FAM83E: variants seen among roughly 807,000 people sequenced by gnomAD.
The protein encoded by FAM83E is protein FAM83E.
FAM83E carries 29 observed loss-of-function variants against 34.3 expected under a neutral mutation model. That is an observed-to-expected ratio of 0.85 (90% CI 0.63 to 1.15). The LOEUF is 1.15. FAM83E is among the 50% of genes most tolerant of loss of function. The pLI is 0.00. For missense variants in FAM83E, 697 were observed against 685.0 expected (o/e 1.02, Z -0.20); for synonymous variants, 312 against 311.6 (o/e 1.00, Z -0.01).
chr19:48,607,255 G>A lies in FAM83E; in HGVS notation c.758+2621C>T, dbSNP rs773214727. 8.7e-6 allele frequency: 14 copies of A among 1,608,158 alleles called. No individual in the cohort carries two copies. In the East Asian group the frequency reaches 1.1e-4, roughly 13 times the overall value. ...CAGCCTCACCACCAACTGCTGCACCGGCCGCCTGTGTAACAGAGCCCCGAG... is the reference window on the plus strand; with the variant it reads ...CAGCCTCACCACCAACTGCTGCACCAGCCGCCTGTGTAACAGAGCCCCGAG... On this transcript the variant is annotated intron_variant, in intron 5 of 6. Transcript: ENST00000263266.
rs1331520141 is a variant in FAM83E at position 48,613,773 on chromosome 19, C to A, written c.-401G>T. 1.6e-5 allele frequency: 16 copies of A among 985,300 alleles called. No individual in the cohort carries two copies. The highest frequency in any genetic ancestry group is 1.9e-5 in the Non-Finnish European group (16 of 829,930). 61.0% of individuals were successfully genotyped at this position (985,300 alleles called of 1,614,324 possible). On this transcript the variant is annotated 5_prime_UTR_variant, in exon 3 of 7. Transcript: ENST00000263266. Reference sequence around the variant, plus strand: ...AGCCACACGACAGCCTCCAACCCACCAGTCACACAGTGCCCAGTCAGACCC... The same window carrying A: ...AGCCACACGACAGCCTCCAACCCACAAGTCACACAGTGCCCAGTCAGACCC...
At position 48,600,654 on chromosome 19, in the gene FAM83E, T is replaced by C. The variant is rs907465346; in HGVS notation, c.*455A>G. On this transcript the variant is annotated 3_prime_UTR_variant, in exon 7 of 7. Coordinates refer to ENST00000263266, the MANE Select transcript of FAM83E (RefSeq NM_017708.4). ...CAGCCTTTCTTTTTCTTTTTTCTTT[T>C]TTTTTTTTTTTTAAAGAGATGGCCT... Among the ~76,000 whole-genome samples the C allele has an allele frequency of 7.4e-5, 11 of 148,722 alleles. No homozygotes were observed. Among genetic ancestry groups the C allele is most frequent in the Non-Finnish European group, 1.2e-4 (8 of 67,222 alleles).
chr19:48,610,121 A>T (rs1016487183), intron 4 of FAM83E, 121 bp from the exon 5 acceptor site: 2 of 1,305,294 alleles, frequency 1.5e-6, no homozygotes, highest in East Asian at 2.5e-5. Context: ...GTCCAAGGCC[A>T]GGCGTGGTGG....
At position 48,610,025 on chromosome 19, in the gene FAM83E, A is replaced by G. The variant is rs775170763; in HGVS notation, c.634-25T>C. 5.6e-6 allele frequency: 9 copies of G among 1,606,432 alleles called. No individual in the cohort carries two copies. The East Asian group carries it at 1.8e-4, about 32-fold the overall frequency. ...TCTGTTGGTGTGGGGAGTGGAGGGT[A>G]CACCCTTGCTGAGGCCCACTGCATG... is the stretch of plus-strand genomic sequence containing the variant. On this transcript the variant is annotated intron_variant, in intron 4 of 6. Coordinates refer to ENST00000263266, the MANE Select transcript of FAM83E (RefSeq NM_017708.4).
chr19:48,607,364 G>A (rs748052076), intron 5 of FAM83E: 15 of 1,574,580 alleles, frequency 9.5e-6, no homozygotes, highest in Admixed American at 1.8e-5. Flanking sequence ...CCAACAGGGA[G>A]GACAGGGCCT....
rs371393293 is a variant in FAM83E, at chr19:48,612,988, G to C, written c.385C>G (p.Gln129Glu). 1 of 1,603,920 alleles carries C rather than the reference G, an allele frequency of 6.2e-7. No homozygotes were observed. Among genetic ancestry groups the C allele is most frequent in the Admixed American group, 1.7e-5 (1 of 58,488 alleles). Residue 129 changes from glutamine to glutamate, a missense_variant, in exon 3 of 7, where the codon CAG becomes GAG. By Grantham distance (29) the Gln-to-Glu change is conservative. Coordinates refer to ENST00000263266, the MANE Select transcript of FAM83E (RefSeq NM_017708.4). ...TCTCCAGGAGGCTGGGTGTACAGCT[G>C]CGCCCGGGTGATGCCTTTCCACGCA... is the stretch of plus-strand genomic sequence containing the variant. The part of the protein sequence containing the change: ...DSAWKGITRA[Q>E]LYTQPPGEGQ...
intron 6 of FAM83E, among the ~76,000 whole-genome samples, chr19:48,602,141 C>CAAAAAAAAAAAAAAAAAAA (rs35272146): frequency 2.4e-5 from 1 of 41,566 alleles, no homozygotes; most frequent in Non-Finnish European, 4.0e-5. Context: ...GACCCTATCT[C>CAAAAAAAAAAAAAAAAAAA]AAAAAAAAAA....
At position 48,613,315 on chromosome 19, in the gene FAM83E, C is replaced by G. The variant is rs376982501; in HGVS notation, c.58G>C (p.Gly20Arg). Residue 20 changes from glycine to arginine, a missense_variant, in exon 3 of 7, where the codon GGG becomes CGG. Transcript: ENST00000263266. ...GAATATAGAAAGCCGGGGCTGGCCCCGGGCACCCTGGGACCGGAGTCCACT... is the reference window on the plus strand; with the variant it reads ...GAATATAGAAAGCCGGGGCTGGCCCGGGGCACCCTGGGACCGGAGTCCACT... ...EGVDSGPRVP[G>R]ASPGFLYSEG... 5.0e-6 allele frequency: 8 copies of G among 1,600,308 alleles called. No individual in the cohort carries two copies. The South Asian group carries it at 8.9e-5, about 18-fold the overall frequency.
At chr19:48,607,285 C>G (rs1400671779) in intron 5 of FAM83E, 2 of 1,600,480 alleles carry the variant, frequency 1.2e-6, no homozygotes, top group African/African-American at 2.7e-5. Context: ...CCCGAGCAGC[C>G]AGACAGTGGG....
At chr19:48,612,835 G>A in intron 3 of FAM83E, 73 bp downstream of exon 3, 1 of 1,448,348 alleles carries the variant, frequency 6.9e-7, no homozygotes, top group South Asian at 1.4e-5. Flanking sequence ...CAAGTCCCAG[G>A]AGGACAAGGG....
At position 48,613,194 on chromosome 19, in the gene FAM83E, C is replaced by T. The variant is rs1399516287; in HGVS notation, c.179G>A (p.Ser60Asn). 12 of 1,611,708 alleles carry T rather than the reference C, an allele frequency of 7.4e-6. No homozygotes were observed. The highest frequency in any genetic ancestry group is 9.3e-6 in the Non-Finnish European group (11 of 1,179,914). ...VQREELWPFL[S>N]ADEVQGLAAA... ...TGCCAAGCCCTGAACCTCATCCGCA[C>T]TGAGGAAGGGCCACAGCTCCTCGCG... Residue 60 changes from serine to asparagine, a missense_variant, in exon 3 of 7, where the codon AGT becomes AAT. Transcript: ENST00000263266.
chr19:48,613,170 G>A lies in FAM83E; in HGVS notation c.203C>T (p.Ala68Val). The change falls in exon 3 of 7, where the codon GCA (alanine) becomes GTA (valine). Residue 68 changes from alanine (A) to valine (V), a missense_variant. Coordinates refer to ENST00000263266, the MANE Select transcript of FAM83E (RefSeq NM_017708.4). Reference sequence around the variant, plus strand: ...CACTGTCCAGTCTTCAGCTGCCGCTGCCAAGCCCTGAACCTCATCCGCACT... The same window carrying A: ...CACTGTCCAGTCTTCAGCTGCCGCTACCAAGCCCTGAACCTCATCCGCACT... ...FLSADEVQGL[A>V]AAAEDWTVAK... The A allele has an allele frequency of 6.2e-7, 1 of 1,612,136 alleles. No individual in the cohort carries two copies. Among genetic ancestry groups the A allele is most frequent in the Non-Finnish European group, 8.5e-7 (1 of 1,179,920 alleles).
rs749961975 is a variant in FAM83E at position 48,603,580 on chromosome 19, T to G, written c.1090A>C (p.Ser364Arg). 1.6e-4 allele frequency: 249 copies of G among 1,551,892 alleles called. No individual in the cohort carries two copies. The highest frequency in any genetic ancestry group is 2.0e-4 in the Non-Finnish European group (226 of 1,158,306). Residue 364 changes from serine (S) to arginine (R), a missense_variant, in exon 6 of 7, where the codon AGC becomes CGC. By Grantham distance (110) the Ser-to-Arg change is moderately radical. Coordinates refer to ENST00000263266, the MANE Select transcript of FAM83E (RefSeq NM_017708.4). ...CGGCTGGGCCGGGCCGGGGGGCCGC[T>G]GGGGGTCCGGGCGCGCTGCACACTC... ...LRSVQRARTP[S>R]GPPARPSRSM...
chr19:48,602,882 T>C (rs1326455235), intron 6 of FAM83E, among the ~76,000 whole-genome samples: 1 of 145,648 alleles, frequency 6.9e-6, no homozygotes, highest in Non-Finnish European at 1.5e-5. Context: ...GAGACAGCCT[T>C]GCTCTGTCAC....
rs1973884767 is a variant in FAM83E, at chr19:48,604,123, C to T, written c.759-212G>A. Among the ~76,000 whole-genome samples, 3 of 152,038 alleles carry T rather than the reference C, an allele frequency of 2.0e-5. No homozygotes were observed. In the South Asian group the frequency reaches 6.2e-4, roughly 32 times the overall value. ...GCCCAAGTTAAGACACTTATATAAT[C>T]AGGGCCAGGTGTGGTGACTCACACT... On this transcript the variant is annotated intron_variant, in intron 5 of 6. Coordinates refer to ENST00000263266, the MANE Select transcript of FAM83E (RefSeq NM_017708.4).
rs768538243 is a variant in FAM83E, at chr19:48,603,589, G to A, written c.1081C>T (p.Arg361Trp). Reference protein sequence around the residue: ...SDILRSVQRARTPSGPPARPS... With the variant: ...SDILRSVQRAWTPSGPPARPS... ...CGGGCCGGGGGGCCGCTGGGGGTCC[G>A]GGCGCGCTGCACACTCCTTAGAATG... The change falls in exon 6 of 7, where the codon CGG becomes TGG. Residue 361 changes from arginine to tryptophan, a missense_variant. Physicochemically the swap from Arg to Trp is moderately radical, Grantham distance 101. Coordinates refer to ENST00000263266, the MANE Select transcript of FAM83E (RefSeq NM_017708.4). 5.8e-6 allele frequency: 9 copies of A among 1,543,442 alleles called. No individual in the cohort carries two copies. Among genetic ancestry groups the A allele is most frequent in the South Asian group, 1.2e-5 (1 of 85,558 alleles).
intron 4 of FAM83E, 63 bp from the exon 5 acceptor site, chr19:48,610,063 C>A: frequency 6.3e-7 from 1 of 1,577,032 alleles, no homozygotes; most frequent in Non-Finnish European, 8.6e-7. Context: ...TTCAGGCTCC[C>A]TCCAGACTGG....
intron 3 of FAM83E, among the ~76,000 whole-genome samples, chr19:48,612,086 G>T (rs889749689): frequency 5.9e-5 from 9 of 152,210 alleles, no homozygotes; most frequent in Non-Finnish European, 1.0e-4. Context: ...ACAGGGAAGA[G>T]ATTTAACCGC....
rs569168879 is a variant in FAM83E, at chr19:48,614,058, A to T, written c.-686T>A. On this transcript the variant is annotated 5_prime_UTR_variant, in exon 3 of 7. An upstream start codon of the reference 5' UTR is lost. Coordinates refer to ENST00000263266, the MANE Select transcript of FAM83E (RefSeq NM_017708.4). ...CAGCCCCCACGAGTTTCTCCTGCTC[A>T]TCAGCTCTCACCCGCAGACCAGCCA... The T allele has an allele frequency of 2.2e-5, 22 of 985,684 alleles. No homozygotes were observed. In the African/African-American group the frequency reaches 3.0e-4, roughly 13 times the overall value. The allele number at this position is 985,684 out of a possible 1,614,324, so 61.1% of individuals were successfully genotyped here.
Sources: gnomAD v4.1 joint callset for allele counts (sites outside exome capture counted in the v4.1 genomes callset) on GRCh38, gnomAD v4.1.1 for gene constraint, MANE v1.5 for transcripts, NCBI Gene and HGNC (gene_info 2026-07-23, HGNC 2026-07-21) for gene names.